LY6G6D: variants seen among roughly 807,000 people sequenced by gnomAD.
The protein encoded by LY6G6D is lymphocyte antigen 6 complex locus protein G6d.
In LY6G6D, 5 loss-of-function variants were observed where a neutral mutation model predicts 8.5. The ratio of observed to expected loss-of-function variants is 0.59; its 90% CI spans 0.31 to 1.24. The LOEUF is 1.24. Among genes scored for constraint, LY6G6D ranks in the 50% most tolerant of loss-of-function variants. The pLI is 0.07. For synonymous variants in LY6G6D, 65 were observed against 69.6 expected, an observed-to-expected ratio of 0.93 and a Z score of 0.33; for missense variants, 154 against 170.4, an observed-to-expected ratio of 0.90 and a Z score of 0.53.
chr6:31,717,887 T>C lies in LY6G6D; in HGVS notation c.*83T>C, dbSNP rs1806566187. 6.7e-7 allele frequency: 1 copy of C among 1,502,024 alleles called. No homozygotes were observed. The highest frequency in any genetic ancestry group is 8.8e-7 in the Non-Finnish European group (1 of 1,132,252). The allele number at this position is 1,502,024 out of a possible 1,614,324, so 93.0% of individuals were successfully genotyped here. On this transcript the variant is annotated 3_prime_UTR_variant, in exon 3 of 3. Transcript: ENST00000375825. This position sits in a 1 kb window ranked among gnomAD's most constrained non-coding sequence, Gnocchi z 5.0. ...TCTAATGTGAGAAGAGAAACATCCT[T>C]CTGTGAGTCATTAAAATCTATGAAC...
rs374641452 is a variant in LY6G6D at position 31,715,629 on chromosome 6, G to A, written c.178+5G>A. On this transcript the variant is annotated splice_donor_5th_base_variant and intron_variant, in intron 2 of 2. Transcript: ENST00000375825. ...AGATCAAGCTACCTGGAAACCGTGA[G>A]TCCTCAGTTTCTCCCTCTTCCAGCA... 3 of 1,611,274 alleles carry A rather than the reference G, an allele frequency of 1.9e-6. No homozygotes were observed. Among genetic ancestry groups the A allele is most frequent in the Non-Finnish European group, 2.5e-6 (3 of 1,178,542 alleles).
rs1283403722 is a variant in LY6G6D, at chr6:31,717,714, C to T, written c.312C>T (p.Ser104=). The T allele has an allele frequency of 5.0e-6, 8 of 1,614,080 alleles. No homozygotes were observed. Among genetic ancestry groups the T allele is most frequent in the East Asian group, 4.5e-5 (2 of 44,876 alleles). Residue 104 remains serine, a synonymous_variant, in exon 3 of 3, where the codon AGC becomes AGT. Transcript: ENST00000375825. This position sits in a 1 kb window ranked among gnomAD's most constrained non-coding sequence, Gnocchi z 5.0. ...RDCYLGDLCN[S]AVASHVAPAG... is the part of the protein sequence containing the mutation. ...GCTACCTGGGAGACCTGTGCAACAG[C>T]GCCGTGGCAAGCCATGTGGCCCCTG...
Position 31,716,058 on chromosome 6 carries a change from TCTC to T in LY6G6D, c.178+437_178+439del, listed in dbSNP as rs1054161438. ...AGAAAAGTTGCAGAAATACTCAACT[TCTC>T]CTAATGCTAACATCTTACATAACCA... On this transcript the variant is annotated intron_variant, in intron 2 of 2. Coordinates refer to ENST00000375825, the MANE Select transcript of LY6G6D (RefSeq NM_021246.4). The surrounding 1 kb of genome is among the most constrained non-coding windows in gnomAD (Gnocchi z 5.1). 7.0e-4 allele frequency among the ~76,000 whole-genome samples: 106 copies of T among 152,062 alleles called. No individual in the cohort carries two copies. The highest frequency in any genetic ancestry group is 2.8e-3 in the Admixed American group (43 of 15,270).
rs761371508 is a variant in LY6G6D, at chr6:31,717,514, T to C, written c.179-67T>C. 1.2e-5 allele frequency: 19 copies of C among 1,613,934 alleles called. No homozygotes were observed. Among genetic ancestry groups the C allele is most frequent in the Non-Finnish European group, 1.0e-5 (12 of 1,179,920 alleles). ...CCTTTGGGCTCCTTGAAATCACATCTGCTCTGCCCCAGAAGGCAAGTCCTG... is the reference window on the plus strand; with the variant it reads ...CCTTTGGGCTCCTTGAAATCACATCCGCTCTGCCCCAGAAGGCAAGTCCTG... On this transcript the variant is annotated intron_variant, in intron 2 of 2. Coordinates refer to ENST00000375825, the MANE Select transcript of LY6G6D (RefSeq NM_021246.4). This position sits in a 1 kb window ranked among gnomAD's most constrained non-coding sequence, Gnocchi z 5.0.
intron 1 of LY6G6D, 24 bp downstream of exon 1, chr6:31,715,434 C>T (rs764905562): frequency 1.9e-6 from 3 of 1,605,162 alleles, no homozygotes; most frequent in African/African-American, 2.7e-5. Context: ...CAGCTAGCTT[C>T]TCACACAGGC....
chr6:31,717,680 A>G lies in LY6G6D; in HGVS notation c.278A>G (p.His93Arg). The G allele has an allele frequency of 6.2e-7, 1 of 1,614,188 alleles. No homozygotes were observed. The highest frequency in any genetic ancestry group is 8.5e-7 in the Non-Finnish European group (1 of 1,180,036). The change falls in exon 3 of 3, where the codon CAC becomes CGC. Residue 93 changes from histidine (H) to arginine (R), a missense_variant. Physicochemically the swap from His to Arg is conservative, Grantham distance 29. Transcript: ENST00000375825. This position sits in a 1 kb window ranked among gnomAD's most constrained non-coding sequence, Gnocchi z 5.0. ...ESVGDVTYPA[H>R]RDCYLGDLCN... ...GTGGGAGACGTGACTTATCCAGCCCACAGGGACTGCTACCTGGGAGACCTG... is the reference window on the plus strand; with the variant it reads ...GTGGGAGACGTGACTTATCCAGCCCGCAGGGACTGCTACCTGGGAGACCTG...
chr6:31,715,679 G>C (rs994284687), intron 2 of LY6G6D, 55 bp downstream of exon 2: 6 of 1,595,554 alleles, frequency 3.8e-6, no homozygotes, highest in Non-Finnish European at 5.1e-6. Context: ...CCAGCCCCAT[G>C]TCAATCCTTC....
chr6:31,715,447 T>C, intron 1 of LY6G6D, 37 bp downstream of exon 1: 1 of 1,606,230 alleles, frequency 6.2e-7, no homozygotes, highest in Non-Finnish European at 8.5e-7. Flanking sequence ...ACACAGGCCT[T>C]CTGCCAGCCG....
At position 31,717,917 on chromosome 6, in the gene LY6G6D, C is replaced by G; in HGVS notation, c.*113C>G. On this transcript the variant is annotated 3_prime_UTR_variant, in exon 3 of 3. Coordinates refer to ENST00000375825, the MANE Select transcript of LY6G6D (RefSeq NM_021246.4). This position sits in a 1 kb window ranked among gnomAD's most constrained non-coding sequence, Gnocchi z 5.0. Reference sequence around the variant, plus strand: ...GAGTCATTAAAATCTATGAACCACTCTACAGCTGACTGGAAAATTACATCT... The same window carrying G: ...GAGTCATTAAAATCTATGAACCACTGTACAGCTGACTGGAAAATTACATCT... 5 of 1,449,320 alleles carry G rather than the reference C, an allele frequency of 3.4e-6. No individual in the cohort carries two copies. Among genetic ancestry groups the G allele is most frequent in the Non-Finnish European group, 3.6e-6 (4 of 1,105,636 alleles). The allele number at this position is 1,449,320 out of a possible 1,614,324, so 89.8% of individuals were successfully genotyped here.
intron 2 of LY6G6D, among the ~76,000 whole-genome samples, 178 bp downstream of exon 2, chr6:31,715,802 C>T (rs568167019): frequency 6.6e-6 from 1 of 152,306 alleles, no homozygotes; most frequent in African/African-American, 2.4e-5. Flanking sequence ...GAGAGGCCCA[C>T]AGTCCTTGTG....
At chr6:31,715,456 C>A (rs375985401) in intron 1 of LY6G6D, 46 bp downstream of exon 1, 1 of 1,605,982 alleles carries the variant, frequency 6.2e-7, no homozygotes, top group East Asian at 2.2e-5. Flanking sequence ...TTCTGCCAGC[C>A]GGCTCCACCG....
Position 31,717,363 on chromosome 6 carries a change from A to T in LY6G6D, c.179-218A>T. On this transcript the variant is annotated intron_variant, in intron 2 of 2. Transcript: ENST00000375825. The surrounding 1 kb of genome is among the most constrained non-coding windows in gnomAD (Gnocchi z 5.0). Reference sequence around the variant, plus strand: ...TGATGAGATTGAGGTCATGCATTTTAAGCAAGAATACTGCAGAAGTGATGT... The same window carrying T: ...TGATGAGATTGAGGTCATGCATTTTTAGCAAGAATACTGCAGAAGTGATGT... The T allele has an allele frequency of 1.8e-6, 2 of 1,106,434 alleles. No individual in the cohort carries two copies. The highest frequency in any genetic ancestry group is 2.6e-6 in the Non-Finnish European group (2 of 779,866). The allele number at this position is 1,106,434 out of a possible 1,614,324, so 68.5% of individuals were successfully genotyped here. A position where few individuals can be genotyped will look rare whatever the true frequency, so the allele number is the denominator to read the frequency against.
chr6:31,715,456 C>T (rs375985401), intron 1 of LY6G6D, 46 bp downstream of exon 1: 49 of 1,605,864 alleles, frequency 3.1e-5, no homozygotes, highest in South Asian at 9.9e-5. Flanking sequence ...TTCTGCCAGC[C>T]GGCTCCACCG....
intron 1 of LY6G6D, 42 bp downstream of exon 1, chr6:31,715,452 C>A: frequency 6.2e-7 from 1 of 1,605,906 alleles, no homozygotes; most frequent in Non-Finnish European, 8.5e-7. Context: ...GGCCTTCTGC[C>A]AGCCGGCTCC....
In LY6G6D at chr6:31,717,583, C is replaced by T. The variant is rs1806525582; in HGVS notation, c.181C>T (p.Pro61Ser). The T allele has an allele frequency of 6.2e-7, 1 of 1,614,214 alleles. No individual in the cohort carries two copies. The highest frequency in any genetic ancestry group is 8.5e-7 in the Non-Finnish European group (1 of 1,180,040). Residue 61 changes from proline to serine, a missense_variant and splice_region_variant, in exon 3 of 3, where the codon CCA (proline) becomes TCA (serine). Coordinates refer to ENST00000375825, the MANE Select transcript of LY6G6D (RefSeq NM_021246.4). This position sits in a 1 kb window ranked among gnomAD's most constrained non-coding sequence, Gnocchi z 5.0. ...CCCAGTTTCATTCTCTCTCTCAGCCCCAGTGACCTTGATTCACCAACATCC... is the reference window on the plus strand; with the variant it reads ...CCCAGTTTCATTCTCTCTCTCAGCCTCAGTGACCTTGATTCACCAACATCC... ...LEQIKLPGNP[P>S]VTLIHQHPAC... is the part of the protein sequence containing the mutation.
chr6:31,715,504 A>C lies in LY6G6D; in HGVS notation c.58A>C (p.Asn20His), dbSNP rs770795742. Reference protein sequence around the residue: ...LSSLLGAALGNRMRCYNCGGS... With the variant: ...LSSLLGAALGHRMRCYNCGGS... ...CAGCGCCTCTTTTCTCCTGCCAGGA[A>C]ACCGAATGCGGTGCTACAACTGTGG... The change falls in exon 2 of 3, where the codon AAC becomes CAC. Residue 20 changes from asparagine to histidine, a missense_variant and splice_region_variant. Transcript: ENST00000375825. 1 of 1,612,556 alleles carries C rather than the reference A, an allele frequency of 6.2e-7. No individual in the cohort carries two copies. Among genetic ancestry groups the C allele is most frequent in the East Asian group, 2.2e-5 (1 of 44,866 alleles).
In LY6G6D at chr6:31,717,829, C is replaced by T; in HGVS notation, c.*25C>T. The T allele has an allele frequency of 6.3e-7, 1 of 1,588,990 alleles. No homozygotes were observed. The highest frequency in any genetic ancestry group is 1.3e-5 in the African/African-American group (1 of 74,530). ...GGGGGAGTAGGAGTAGAGAAGGGAA[C>T]AAGGGAGCAAGGGAACAAGGGACAT... is the stretch of plus-strand genomic sequence containing the variant. On this transcript the variant is annotated 3_prime_UTR_variant, in exon 3 of 3. Coordinates refer to ENST00000375825, the MANE Select transcript of LY6G6D (RefSeq NM_021246.4). The surrounding 1 kb of genome is among the most constrained non-coding windows in gnomAD (Gnocchi z 5.0).
Position 31,715,575 on chromosome 6 carries a change from C to T in LY6G6D, c.129C>T (p.Gly43=), listed in dbSNP as rs779003169. Residue 43 remains glycine (G), a synonymous_variant, in exon 2 of 3, where the codon GGC becomes GGT. Transcript: ENST00000375825. ...GCAAAGAGGCCGTGACCACCTGTGG[C>T]GAGGGCAGACCCCAGCCAGGCCTGG... The part of the protein sequence containing the change: ...SSCKEAVTTC[G]EGRPQPGLEQ... The T allele has an allele frequency of 5.0e-6, 8 of 1,613,046 alleles. No individual in the cohort carries two copies. Among genetic ancestry groups the T allele is most frequent in the East Asian group, 2.2e-5 (1 of 44,880 alleles).
chr6:31,716,153 G>T lies in LY6G6D; in HGVS notation c.178+529G>T, dbSNP rs1806421912. On this transcript the variant is annotated intron_variant, in intron 2 of 2. Coordinates refer to ENST00000375825, the MANE Select transcript of LY6G6D (RefSeq NM_021246.4). This position sits in a 1 kb window ranked among gnomAD's most constrained non-coding sequence, Gnocchi z 5.1. ...ACTAACTAATCTACAGACTTTATTT[G>T]ATTTAGCAAGATCCTACATTGCATT... Among the ~76,000 whole-genome samples, 1 of 152,112 alleles carries T rather than the reference G, an allele frequency of 6.6e-6. No homozygotes were observed. The highest frequency in any genetic ancestry group is 1.5e-5 in the Non-Finnish European group (1 of 68,028).
Sources: gnomAD v4.1 joint callset for allele counts (sites outside exome capture counted in the v4.1 genomes callset) on GRCh38, gnomAD v4.1.1 for gene constraint, Gnocchi (gnomAD v3.1) non-coding constraint, MANE v1.5 for transcripts, NCBI Gene and HGNC (gene_info 2026-07-23, HGNC 2026-07-21) for gene names.